The following SNAP91 variants were observed in gnomAD, a reference collection of about 807,000 sequenced individuals.
SNAP91 encodes clathrin coat assembly protein AP180.
SNAP91 carries 27 observed loss-of-function variants against 100.3 expected under a neutral mutation model. The ratio of observed to expected loss-of-function variants is 0.27; its 90% CI spans 0.20 to 0.37. The LOEUF (loss-of-function observed/expected upper bound fraction) is 0.37, where lower values mean the gene tolerates loss of function less well. SNAP91 is among the 10% of genes least tolerant of loss of function. SNAP91 has a pLI of 1.00. For missense variants in SNAP91, 986 were observed against 1,123.7 expected (o/e 0.88, Z 1.75); for synonymous variants, 404 against 398.6 (o/e 1.01, Z -0.16).
chr6:83,679,671 G>A (rs764701692), intron 2 of SNAP91, among the ~76,000 whole-genome samples: 49 of 152,012 alleles, frequency 3.2e-4, no homozygotes, highest in Non-Finnish European at 2.8e-4. Flanking sequence ...GCTTGGGGTC[G>A]CGAGGAAAGA....
At chr6:83,699,190 C>T (rs897857362) in intron 2 of SNAP91, among the ~76,000 whole-genome samples, 12 of 152,048 alleles carry the variant, frequency 7.9e-5, no homozygotes, top group African/African-American at 2.7e-4. Flanking sequence ...AATTACAAAA[C>T]ACATGAGGAA....
chr6:83,707,349 T>C (rs2099394267), intron 2 of SNAP91, among the ~76,000 whole-genome samples: 1 of 151,504 alleles, frequency 6.6e-6, no homozygotes, highest in East Asian at 1.9e-4. Flanking sequence ...CTATCTGAAA[T>C]GTATTTAGGA....
chr6:83,614,930 TA>T, intron 10 of SNAP91, 68 bp from the exon 11 acceptor site: 1 of 1,306,062 alleles, frequency 7.7e-7, no homozygotes, highest in Non-Finnish European at 1.1e-6. Context: ...TCATTTATTT[TA>T]AAAAATAGGG....
chr6:83,625,508 A>C, intron 8 of SNAP91, among the ~76,000 whole-genome samples: 1 of 152,154 alleles, frequency 6.6e-6, no homozygotes, highest in Non-Finnish European at 1.5e-5. Context: ...CCAACAGTAT[A>C]TATGAGTTCC....
At chr6:83,695,300 A>AG (rs2099189150) in intron 2 of SNAP91, among the ~76,000 whole-genome samples, 1 of 136,922 alleles carries the variant, frequency 7.3e-6, no homozygotes, top group Non-Finnish European at 1.6e-5. Flanking sequence ...AAAAAAAAAA[A>AG]GAGAAAAGAA....
intron 28 of SNAP91, among the ~76,000 whole-genome samples, chr6:83,557,438 C>T (rs1780439261): frequency 6.6e-6 from 1 of 151,770 alleles, no homozygotes; most frequent in Non-Finnish European, 1.5e-5. Flanking sequence ...GAGGCCGAGG[C>T]AGGAGGATCA....
At chr6:83,653,879 GAGTTGGGTATTTCTCTTGCCCCAGTCCA>G (rs2098304968) in intron 7 of SNAP91, among the ~76,000 whole-genome samples, 1 of 152,094 alleles carries the variant, frequency 6.6e-6, no homozygotes, top group Admixed American at 6.6e-5. Context: ...TAGTGGGCTG[GAGTTGGGTATTTCTCTTGCCCCAGTCCA>G]GTTAGGCTCT....
At chr6:83,556,119 C>T in intron 29 of SNAP91, 24 bp downstream of exon 29, 5 of 1,324,538 alleles carry the variant, frequency 3.8e-6, no homozygotes, top group Non-Finnish European at 5.3e-6. Flanking sequence ...TACAAGCCTA[C>T]AGGAAAAGCT....
chr6:83,681,642 A>G lies in SNAP91; in HGVS notation c.131-16061T>C, dbSNP rs59430971. On this transcript the variant is annotated intron_variant, in intron 2 of 29. Transcript: ENST00000369694. ...GAAAAGAACTGTATTTACTGGAGGT[A>G]CAGAATACTATAAAATATAGGTAAC... Among the ~76,000 whole-genome samples the G allele has an allele frequency of 3.2e-3, 485 of 152,336 alleles. 3 individuals carry two copies. The highest frequency in any genetic ancestry group is 0.01 in the African/African-American group (432 of 41,580).
intron 29 of SNAP91, among the ~76,000 whole-genome samples, chr6:83,555,112 CTTATGTCTACA>C (rs1318835026): frequency 6.6e-6 from 1 of 152,036 alleles, no homozygotes; most frequent in Non-Finnish European, 1.5e-5. Context: ...CATTGTCTCA[CTTATGTCTACA>C]TTAGCCAATC....
intron 2 of SNAP91, among the ~76,000 whole-genome samples, chr6:83,700,798 A>G (rs906385145): frequency 6.6e-6 from 1 of 151,986 alleles, no homozygotes; most frequent in East Asian, 1.9e-4. Flanking sequence ...GAGTCTCCCT[A>G]TGTTGCCCAG....
At chr6:83,589,877 C>T (rs574500954) in intron 22 of SNAP91, among the ~76,000 whole-genome samples, 2 of 152,314 alleles carry the variant, frequency 1.3e-5, no homozygotes, top group South Asian at 4.1e-4. Flanking sequence ...AAATGTTCCT[C>T]AGCTTGCTGT....
intron 3 of SNAP91, among the ~76,000 whole-genome samples, chr6:83,664,904 A>G (rs770741354): frequency 3.9e-4 from 60 of 152,156 alleles, no homozygotes; most frequent in Non-Finnish European, 4.6e-4. Flanking sequence ...AATTACTTCA[A>G]CCTTCAGCAA....
chr6:83,663,737 G>T lies in SNAP91; in HGVS notation c.274-1315C>A, dbSNP rs61456748. Reference sequence around the variant, plus strand: ...AGAAGCTGCAGCAAGTTATCCAGAAGATCTAGCTGAGATAATTCATGAAGG... The same window carrying T: ...AGAAGCTGCAGCAAGTTATCCAGAATATCTAGCTGAGATAATTCATGAAGG... On this transcript the variant is annotated intron_variant, in intron 3 of 29. Transcript: ENST00000369694. Among the ~76,000 whole-genome samples, 431 of 152,258 alleles carry T rather than the reference G, an allele frequency of 2.8e-3. 1 individual carries two copies. The highest frequency in any genetic ancestry group is 9.8e-3 in the African/African-American group (406 of 41,564).
At chr6:83,629,728 C>T (rs1370793079) in intron 8 of SNAP91, among the ~76,000 whole-genome samples, 3 of 151,916 alleles carry the variant, frequency 2.0e-5, no homozygotes, top group African/African-American at 4.8e-5. Flanking sequence ...TTGTTGCACT[C>T]TTTTATCAGG....
chr6:83,601,303 G>T lies in SNAP91; in HGVS notation c.1292C>A (p.Thr431Asn). 6.2e-7 allele frequency: 1 copy of T among 1,613,500 alleles called. No homozygotes were observed. The highest frequency in any genetic ancestry group is 8.5e-7 in the Non-Finnish European group (1 of 1,179,666). ...SASASTTTTVTAVTAEVDLFG... is the reference protein window; with the variant it reads ...SASASTTTTVNAVTAEVDLFG... ...GAGATCCACTTCAGCAGTGACAGCA[G>T]TAACAGTTGTAGTAGTGGAGGCAGA... Residue 431 changes from threonine (T) to asparagine (N), a missense_variant, in exon 16 of 30, where the codon ACT becomes AAT. By Grantham distance (65) the Thr-to-Asn change is moderately conservative (BLOSUM62 0). Transcript: ENST00000369694.
chr6:83,566,293 TA>T (rs1796469273), intron 26 of SNAP91, among the ~76,000 whole-genome samples: 2 of 152,192 alleles, frequency 1.3e-5, no homozygotes, highest in South Asian at 4.1e-4. Context: ...ATGCTGTAAA[TA>T]TACTAAGAAT....
In SNAP91 at chr6:83,593,001, T is replaced by C. The variant is rs543135489; in HGVS notation, c.1791A>G (p.Pro597=). 10 of 1,583,100 alleles carry C rather than the reference T, an allele frequency of 6.3e-6. No homozygotes were observed. The highest frequency in any genetic ancestry group is 3.3e-4 in the Middle Eastern group (2 of 6,024). The stretch of plus-strand genomic sequence containing the variant: ...CAGGCACAGGAGAGGCCCCTTGTGG[T>C]GGAGAGGAGAAAGCATCTTCCAAAA... ...DLFSTDAFSS[P]PQGASPVPES... Residue 597 remains proline (P), a synonymous_variant, in exon 20 of 30, where the codon CCA becomes CCG. Coordinates refer to ENST00000369694, the MANE Select transcript of SNAP91 (RefSeq NM_001242792.2).
intron 2 of SNAP91, among the ~76,000 whole-genome samples, chr6:83,679,462 C>T (rs1327428101): frequency 6.6e-6 from 1 of 152,052 alleles, no homozygotes; most frequent in Admixed American, 6.6e-5. Context: ...GAAGACTGGG[C>T]AGAAATTTAG....
Sources: allele counts gnomAD v4.1 joint callset (sites outside exome capture counted in the v4.1 genomes callset), GRCh38; gene constraint gnomAD v4.1.1; transcripts MANE v1.5; gene names NCBI Gene and HGNC (gene_info 2026-07-23, HGNC 2026-07-21).